RPL15: variants seen among roughly 807,000 people sequenced by gnomAD.
RPL15 encodes the protein ribosomal protein L15, also known as large ribosomal subunit protein eL15.
For synonymous variants in RPL15, 97 were observed against 95.1 expected, an observed-to-expected ratio of 1.02 and a Z score of -0.12; for missense variants, 161 against 271.8, an observed-to-expected ratio of 0.59 and a Z score of 2.87.
At chr3:23,919,068 T>C in intron 3 of RPL15, 128 bp from the exon 4 acceptor site, 2 of 658,344 alleles carry the variant, frequency 3.0e-6, no homozygotes, top group South Asian at 1.9e-5. Context: ...GAGAAATGCT[T>C]AGTAAATAAC....
chr3:23,921,868 C>G, downstream of RPL15: 3 of 479,628 alleles, frequency 6.3e-6, no homozygotes, highest in Non-Finnish European at 1.1e-5. Context: ...AGCCACCACC[C>G]CCAGCCCAAT....
Position 23,920,654 on chromosome 3 carries a change from C to A in RPL15, c.*1153C>A. ...CTTAATTTAAATGCTCGTTCTGAAC[C>A]AATTTTCTCCTATCTTCTCTAGGGG... On this transcript the variant is annotated 3_prime_UTR_variant, in exon 4 of 4. Transcript: ENST00000307839. The A allele has an allele frequency of 1.0e-6, 1 of 985,010 alleles. No individual in the cohort carries two copies. Among genetic ancestry groups the A allele is most frequent in the Non-Finnish European group, 1.2e-6 (1 of 829,620 alleles). 61.0% of individuals were successfully genotyped at this position (985,010 alleles called of 1,614,324 possible).
chr3:23,918,447 T>A lies in RPL15; in HGVS notation c.180T>A (p.Val60=). 1 of 1,612,478 alleles carries A rather than the reference T, an allele frequency of 6.2e-7. No homozygotes were observed. Among genetic ancestry groups the A allele is most frequent in the Non-Finnish European group, 8.5e-7 (1 of 1,179,806 alleles). ...GTGTGTGTTTGTGTGTAGGTTACGT[T>A]ATATATAGGATTCGTGTTCGCCGTG... ...RLGYKAKQGY[V]IYRIRVRRGG... is the part of the protein sequence containing the mutation. The change falls in exon 3 of 4, where the codon GTT becomes GTA. Residue 60 remains valine (V), a synonymous_variant. Transcript: ENST00000307839.
At chr3:23,924,588 C>T (rs1456736841), downstream of RPL15, among the ~76,000 whole-genome samples, 3 of 151,986 alleles carry the variant, frequency 2.0e-5, no homozygotes, top group South Asian at 2.1e-4. Flanking sequence ...TTAGTAGAGG[C>T]GGGTTTGCAC....
chr3:23,918,210 A>G, intron 2 of RPL15, 179 bp downstream of exon 2: 1 of 957,320 alleles, frequency 1.0e-6, no homozygotes. Flanking sequence ...AAGTGTGTCA[A>G]AGGTTACAAA....
chr3:23,920,653 C>T lies in RPL15; in HGVS notation c.*1152C>T. ...ACTTAATTTAAATGCTCGTTCTGAA[C>T]CAATTTTCTCCTATCTTCTCTAGGG... On this transcript the variant is annotated 3_prime_UTR_variant, in exon 4 of 4. Coordinates refer to ENST00000307839, the MANE Select transcript of RPL15 (RefSeq NM_002948.5). The T allele has an allele frequency of 1.0e-6, 1 of 985,054 alleles. No individual in the cohort carries two copies. The highest frequency in any genetic ancestry group is 1.2e-6 in the Non-Finnish European group (1 of 829,648). The allele number at this position is 985,054 out of a possible 1,614,324, so 61.0% of individuals were successfully genotyped here.
In RPL15 at chr3:23,919,493, T is replaced by C; in HGVS notation, c.607T>C (p.Tyr203His). Residue 203 changes from tyrosine (Y) to histidine (H), a missense_variant, in exon 4 of 4, where the codon TAC becomes CAC. Coordinates refer to ENST00000307839, the MANE Select transcript of RPL15 (RefSeq NM_002948.5). ...GCGCAATACTCTCCAGCTCCACCGT[T>C]ACCGCTAATATAAGTAAAGTTTGTA... ...RRRNTLQLHR[Y>H]R 1 of 1,566,816 alleles carries C rather than the reference T, an allele frequency of 6.4e-7. No individual in the cohort carries two copies. Among genetic ancestry groups the C allele is most frequent in the African/African-American group, 1.4e-5 (1 of 73,604 alleles).
chr3:23,920,484 A>G lies in RPL15; in HGVS notation c.*983A>G. ...AAGTTGGACCATCACTTGTGCACCC[A>G]CTTTGACTATGAGTATACCACCACA... On this transcript the variant is annotated 3_prime_UTR_variant, in exon 4 of 4. Coordinates refer to ENST00000307839, the MANE Select transcript of RPL15 (RefSeq NM_002948.5). 1.0e-6 allele frequency: 1 copy of G among 985,308 alleles called. No individual in the cohort carries two copies. The highest frequency in any genetic ancestry group is 1.1e-4 in the East Asian group (1 of 8,814). 61.0% of individuals were successfully genotyped at this position (985,308 alleles called of 1,614,324 possible).
chr3:23,921,455 C>T (rs1044314500), downstream of RPL15: 2 of 613,842 alleles, frequency 3.3e-6, no homozygotes, highest in Non-Finnish European at 5.7e-6. Context: ...GAAAGCTTTA[C>T]TCCAATATTA....
Position 23,919,381 on chromosome 3 carries a change from A to G in RPL15, c.495A>G (p.Thr165=), listed in dbSNP as rs181790084. ...VHKHREMRGL[T]SAGRKSRGLG... ...AGCACAGGGAGATGCGTGGGCTGAC[A>G]TCTGCAGGCCGAAAGAGCCGTGGCC... Residue 165 remains threonine, a synonymous_variant, in exon 4 of 4, where the codon ACA becomes ACG. Coordinates refer to ENST00000307839, the MANE Select transcript of RPL15 (RefSeq NM_002948.5). 25 of 1,602,852 alleles carry G rather than the reference A, an allele frequency of 1.6e-5. No homozygotes were observed. The highest frequency in any genetic ancestry group is 6.7e-5 in the Admixed American group (4 of 60,014).
Position 23,919,789 on chromosome 3 carries a change from G to T in RPL15, c.*288G>T. 9.0e-7 allele frequency: 1 copy of T among 1,108,422 alleles called. No individual in the cohort carries two copies. Among genetic ancestry groups the T allele is most frequent in the Non-Finnish European group, 1.1e-6 (1 of 908,816 alleles). 68.7% of individuals were successfully genotyped at this position (1,108,422 alleles called of 1,614,324 possible). On this transcript the variant is annotated 3_prime_UTR_variant, in exon 4 of 4. Coordinates refer to ENST00000307839, the MANE Select transcript of RPL15 (RefSeq NM_002948.5). ...GCTTAATAAATTCTTTAAAAGGAGA[G>T]AACTGAAACTAGCCCTGTAGATTTG...
In RPL15 at chr3:23,919,182, T is replaced by C. The variant is rs1405387634; in HGVS notation, c.310-14T>C. On this transcript the variant is annotated splice_polypyrimidine_tract_variant and intron_variant, in intron 3 of 3. Coordinates refer to ENST00000307839, the MANE Select transcript of RPL15 (RefSeq NM_002948.5). Reference sequence around the variant, plus strand: ...ATGTGGGAGATTGACCTTGGGCCTTTTTTCCTATTCTAGGAGCGAGCTGGA... The same window carrying C: ...ATGTGGGAGATTGACCTTGGGCCTTCTTTCCTATTCTAGGAGCGAGCTGGA... 1 of 1,603,098 alleles carries C rather than the reference T, an allele frequency of 6.2e-7. No homozygotes were observed. Among genetic ancestry groups the C allele is most frequent in the Non-Finnish European group, 8.5e-7 (1 of 1,170,528 alleles).
rs1208379211 is a variant in RPL15 at position 23,920,925 on chromosome 3, G to A, written c.*1424G>A. 4.6e-6 allele frequency: 1 copy of A among 217,056 alleles called. No homozygotes were observed. Among genetic ancestry groups the A allele is most frequent in the Non-Finnish European group, 7.8e-6 (1 of 127,514 alleles). The allele number at this position is 217,056 out of a possible 1,614,324, so 13.4% of individuals were successfully genotyped here. A position where few individuals can be genotyped will look rare whatever the true frequency, so the allele number is the denominator to read the frequency against. On this transcript the variant is annotated 3_prime_UTR_variant, in exon 4 of 4. Coordinates refer to ENST00000307839, the MANE Select transcript of RPL15 (RefSeq NM_002948.5). The stretch of plus-strand genomic sequence containing the variant: ...AACCAAATGCCCTAACCAGCAAAAA[G>A]GCATCAAAATGTGATTATAGAAATA...
At chr3:23,918,609 A>G (rs1426992319) in intron 3 of RPL15, 33 bp downstream of exon 3, 2 of 1,606,844 alleles carry the variant, frequency 1.2e-6, no homozygotes, top group South Asian at 1.1e-5. Flanking sequence ...TATATTGAAT[A>G]CTGCCTGGGG....
At position 23,919,316 on chromosome 3, in the gene RPL15, A is replaced by G; in HGVS notation, c.430A>G (p.Arg144Gly). The G allele has an allele frequency of 1.2e-6, 2 of 1,604,772 alleles. No homozygotes were observed. Among genetic ancestry groups the G allele is most frequent in the Non-Finnish European group, 1.7e-6 (2 of 1,179,320 alleles). ...TGATCCATTCCATAAAGCTATCAGA[A>G]GAAATCCTGACACCCAGTGGATCAC... is the stretch of plus-strand genomic sequence containing the variant. ...LIDPFHKAIR[R>G]NPDTQWITKP... Residue 144 changes from arginine (R) to glycine (G), a missense_variant, in exon 4 of 4, where the codon AGA becomes GGA. Coordinates refer to ENST00000307839, the MANE Select transcript of RPL15 (RefSeq NM_002948.5).
chr3:23,924,488 T>G (rs1705174907), downstream of RPL15: 1 of 152,250 alleles, frequency 6.6e-6, no homozygotes, highest in African/African-American at 2.4e-5. Context: ...CACTGCAACC[T>G]CCACCTTCTG....
downstream of RPL15, chr3:23,921,961 C>A: frequency 4.4e-6 from 1 of 226,584 alleles, no homozygotes; most frequent in East Asian, 9.3e-5. Flanking sequence ...CTGCCTTGGC[C>A]TCCCAAAGTG....
In RPL15 at chr3:23,918,165, GGTCA is replaced by G. The variant is rs1409967312; in HGVS notation, c.172+137_172+140del. On this transcript the variant is annotated intron_variant, in intron 2 of 3. Transcript: ENST00000307839. ...TTGGCAGAAAAAAGCTAGCAACACT[GGTCA>G]GTTACTGTATGCACTGTTGTCTAAA... 5 of 1,151,058 alleles carry G rather than the reference GGTCA, an allele frequency of 4.3e-6. No homozygotes were observed. The Admixed American group carries it at 1.1e-4, about 26-fold the overall frequency. 71.3% of individuals were successfully genotyped at this position (1,151,058 alleles called of 1,614,324 possible). A position where few individuals can be genotyped will look rare whatever the true frequency, so the allele number is the denominator to read the frequency against.
At chr3:23,917,800 C>G (rs1369864568) in intron 1 of RPL15, 50 bp from the exon 2 acceptor site, 1 of 1,521,320 alleles carries the variant, frequency 6.6e-7, no homozygotes. Context: ...ATACAGTCGT[C>G]TTATTGTACT....
Sources: allele counts gnomAD v4.1 joint callset (sites outside exome capture counted in the v4.1 genomes callset), GRCh38; gene constraint gnomAD v4.1.1; transcripts MANE v1.5; gene names NCBI Gene and HGNC (gene_info 2026-07-23, HGNC 2026-07-21).